The following MDM2 variants were observed in gnomAD, a reference collection of about 807,000 sequenced individuals.
MDM2 encodes the protein MDM2 proto-oncogene.
A neutral mutation model predicts 64.3 loss-of-function variants in MDM2; 11 were observed. That is an observed-to-expected ratio of 0.17 (90% CI 0.11 to 0.28). The LOEUF (loss-of-function observed/expected upper bound fraction) is 0.28, where lower values mean the gene tolerates loss of function less well. MDM2 is among the 10% of genes least tolerant of loss of function. MDM2 has a pLI of 1.00. For synonymous variants in MDM2, 194 were observed against 192.9 expected (o/e 1.01, Z -0.05); for missense variants, 388 against 577.1 (o/e 0.67, Z 3.36).
intron 8 of MDM2, among the ~76,000 whole-genome samples, chr12:68,830,336 G>T (rs972669468): frequency 1.3e-5 from 2 of 152,138 alleles, no homozygotes; most frequent in Admixed American, 6.6e-5. Flanking sequence ...TTCCAAAGCA[G>T]TGATTGTATG....
Position 68,839,053 on chromosome 12 carries a change from A to G in MDM2, c.919-221A>G, listed in dbSNP as rs996159016. 1.1e-4 allele frequency among the ~76,000 whole-genome samples: 16 copies of G among 152,082 alleles called. No individual in the cohort carries two copies. The South Asian group carries it at 1.9e-3, about 18-fold the overall frequency. ...TAACCTTTCTTGTGTGTATGGTTAA[A>G]ATACCTAAAATCTATTCTTTTAGTA... On this transcript the variant is annotated intron_variant, in intron 10 of 10. Coordinates refer to ENST00000258149, the MANE Select transcript of MDM2 (RefSeq NM_002392.6).
chr12:68,817,010 C>G (rs201068964), intron 4 of MDM2, 65 bp downstream of exon 4: 4 of 1,544,238 alleles, frequency 2.6e-6, no homozygotes, highest in Non-Finnish European at 3.5e-6. Flanking sequence ...CACCTCTACC[C>G]TCATTCACTT....
intron 7 of MDM2, 31 bp downstream of exon 7, chr12:68,824,682 C>G (rs1882155328): frequency 2.2e-6 from 3 of 1,353,034 alleles, no homozygotes; most frequent in Non-Finnish European, 3.1e-6. Flanking sequence ...GACGCATTCA[C>G]ACAGCTTTTT....
intron 5 of MDM2, 69 bp downstream of exon 5, chr12:68,820,443 A>C (rs1258955045): frequency 1.8e-6 from 2 of 1,124,370 alleles, no homozygotes; most frequent in East Asian, 2.4e-5. Flanking sequence ...GTTTATGTGC[A>C]TATGTTTTAT....
At chr12:68,847,212 A>ATATATATATATATATATATATATAT (rs1565756816), downstream of MDM2, 10 of 136,928 alleles carry the variant, frequency 7.3e-5, no homozygotes, top group East Asian at 2.0e-4. Context: ...ATATATATAT[A>ATATATATATATATATATATATATAT]CTTTTTTTAG....
intron 8 of MDM2, among the ~76,000 whole-genome samples, chr12:68,829,718 A>G (rs555526459): frequency 2.0e-5 from 3 of 148,686 alleles, no homozygotes; most frequent in African/African-American, 7.6e-5. Context: ...GTGAGCTGAG[A>G]TTGTGCCACT....
At chr12:68,814,554 ATTT>A (rs745722534) in intron 3 of MDM2, 15 of 340,040 alleles carry the variant, frequency 4.4e-5, no homozygotes, top group African/African-American at 3.3e-4. Context: ...TAAGAATAGA[ATTT>A]TTTTTTTCCC....
chr12:68,839,226 G>C, intron 10 of MDM2, 48 bp from the exon 11 acceptor site: 1 of 1,537,070 alleles, frequency 6.5e-7, no homozygotes, highest in Non-Finnish European at 8.8e-7. Flanking sequence ...CTGTGACTGA[G>C]CAGTTAAAGG....
chr12:68,844,039 C>T lies in MDM2; in HGVS notation c.*4190C>T, dbSNP rs546464680. The T allele has an allele frequency of 2.4e-5, 5 of 206,398 alleles. No homozygotes were observed. Among genetic ancestry groups the T allele is most frequent in the Non-Finnish European group, 3.0e-5 (3 of 101,312 alleles). The allele number at this position is 206,398 out of a possible 1,614,324, so 12.8% of individuals were successfully genotyped here. Reference sequence around the variant, plus strand: ...CATAAATGTGATTATAAACATAGTACACTTGATATATGGAGGCAGTGACAG... The same window carrying T: ...CATAAATGTGATTATAAACATAGTATACTTGATATATGGAGGCAGTGACAG... On this transcript the variant is annotated 3_prime_UTR_variant, in exon 11 of 11. Coordinates refer to ENST00000258149, the MANE Select transcript of MDM2 (RefSeq NM_002392.6).
chr12:68,824,059 ATTCT>A (rs1226682437), intron 5 of MDM2: 2 of 297,332 alleles, frequency 6.7e-6, no homozygotes, highest in African/African-American at 2.2e-5. Flanking sequence ...ATATTTCCTG[ATTCT>A]TTGTTTCTCA....
chr12:68,845,203 TATA>T lies in MDM2; in HGVS notation c.*5356_*5358del. ...CTGAATTACATTTTGATTTGATACTTATAAAAAGAAAAAGTATTTCTTCAGCTT... is the reference window on the plus strand; with the variant it reads ...CTGAATTACATTTTGATTTGATACTTAAAAGAAAAAGTATTTCTTCAGCTT... On this transcript the variant is annotated 3_prime_UTR_variant, in exon 11 of 11. Coordinates refer to ENST00000258149, the MANE Select transcript of MDM2 (RefSeq NM_002392.6). 2 of 217,588 alleles carry T rather than the reference TATA, an allele frequency of 9.2e-6. No homozygotes were observed. Among genetic ancestry groups the T allele is most frequent in the East Asian group, 1.3e-4 (2 of 14,968 alleles). 13.5% of individuals were successfully genotyped at this position (217,588 alleles called of 1,614,324 possible). A position where few individuals can be genotyped will look rare whatever the true frequency, so the allele number is the denominator to read the frequency against.
In MDM2 at chr12:68,816,817, T is replaced by C. The variant is rs1321937114; in HGVS notation, c.180T>C (p.Leu60=). ...QKDTYTMKEV[L]FYLGQYIMTK... is the part of the protein sequence containing the mutation. The stretch of plus-strand genomic sequence containing the variant: ...AAATCATATTTGTATTTCAGGTTCT[T>C]TTTTATCTTGGCCAGTATATTATGA... Residue 60 remains leucine (L), a synonymous_variant, in exon 4 of 11, where the codon CTT becomes CTC. Coordinates refer to ENST00000258149, the MANE Select transcript of MDM2 (RefSeq NM_002392.6). The C allele has an allele frequency of 6.3e-7, 1 of 1,580,716 alleles. No homozygotes were observed. The highest frequency in any genetic ancestry group is 2.3e-5 in the East Asian group (1 of 44,308).
At chr12:68,835,737 GGCA>G in intron 8 of MDM2, 89 bp from the exon 9 acceptor site, 1 of 1,259,862 alleles carries the variant, frequency 7.9e-7, no homozygotes, top group Non-Finnish European at 1.1e-6. Context: ...ACACCCTGCT[GGCA>G]GCAGCAGAGG....
chr12:68,809,232 T>C lies in MDM2; in HGVS notation c.39T>C (p.Ser13=), dbSNP rs1457088132. The C allele has an allele frequency of 6.2e-7, 1 of 1,614,086 alleles. No homozygotes were observed. Among genetic ancestry groups the C allele is most frequent in the Non-Finnish European group, 8.5e-7 (1 of 1,180,026 alleles). The change falls in exon 2 of 11, where the codon TCT becomes TCC. Residue 13 remains serine, a synonymous_variant. Transcript: ENST00000258149. ...RSRQMCNTNM[S]VPTDGAVTTS... is the part of the protein sequence containing the mutation. ...GGCAAATGTGCAATACCAACATGTC[T>C]GTACCTACTGATGGTGCTGTAACCA...
At chr12:68,808,692 A>G (rs1471521970) in intron 1 of MDM2, among the ~76,000 whole-genome samples, 1 of 78,146 alleles carries the variant, frequency 1.3e-5, no homozygotes, top group Non-Finnish European at 2.5e-5. Flanking sequence ...GCCAGGGAGG[A>G]GGGCGGGATT....
chr12:68,839,757 T>A lies in MDM2; in HGVS notation c.1402T>A (p.Phe468Ile). The A allele has an allele frequency of 6.2e-7, 1 of 1,614,052 alleles. No individual in the cohort carries two copies. The highest frequency in any genetic ancestry group is 1.3e-5 in the African/African-American group (1 of 75,026). ...CAAAACAGGACATCTTATGGCCTGC[T>A]TTACATGTGCAAAGAAGCTAAAGAA... ...HGKTGHLMACFTCAKKLKKRN... is the reference protein window; with the variant it reads ...HGKTGHLMACITCAKKLKKRN... Residue 468 changes from phenylalanine (F) to isoleucine (I), a missense_variant, in exon 11 of 11, where the codon TTT (phenylalanine) becomes ATT (isoleucine). By Grantham distance (21) the Phe-to-Ile change is conservative. Transcript: ENST00000258149.
chr12:68,836,786 T>G (rs1330307527), intron 10 of MDM2, 37 bp downstream of exon 10: 5 of 1,339,138 alleles, frequency 3.7e-6, no homozygotes, highest in Non-Finnish European at 5.3e-6. Context: ...AATAAAAATT[T>G]CATTAAGGTC....
At chr12:68,836,180 C>A (rs1019500745) in intron 9 of MDM2, among the ~76,000 whole-genome samples, 196 bp downstream of exon 9, 2 of 152,168 alleles carry the variant, frequency 1.3e-5, no homozygotes, top group Middle Eastern at 3.4e-3. Context: ...TATTATATTA[C>A]TACTAATTGC....
intron 8 of MDM2, among the ~76,000 whole-genome samples, chr12:68,833,254 T>C (rs941924054): frequency 8.1e-6 from 1 of 123,040 alleles, no homozygotes; most frequent in Non-Finnish European, 1.6e-5. Context: ...TTGTTATATA[T>C]ATTTATATAA....
Sources: gnomAD v4.1 joint callset for allele counts (sites outside exome capture counted in the v4.1 genomes callset) on GRCh38, gnomAD v4.1.1 for gene constraint, MANE v1.5 for transcripts, NCBI Gene and HGNC (gene_info 2026-07-23, HGNC 2026-07-21) for gene names.